Variants in BID observed in about 807,000 individuals in gnomAD.
BID encodes the protein BH3 interacting domain death agonist.
In BID, 19 loss-of-function variants were observed where a neutral mutation model predicts 17.4. That is an observed-to-expected ratio of 1.09 (90% CI 0.76 to 1.60). BID has a LOEUF of 1.60. Ranked by LOEUF, BID falls within the 40% of genes most tolerant of loss-of-function variation. The probability of loss-of-function intolerance (pLI) is 0.00; values close to 1 mark genes in which losing one functional copy is unlikely to be tolerated. For synonymous variants in BID, 108 were observed against 102.8 expected, an observed-to-expected ratio of 1.05 and a Z score of -0.31; for missense variants, 226 against 256.0, an observed-to-expected ratio of 0.88 and a Z score of 0.80.
chr22:17,763,248 A>G (rs1436555891), intron 1 of BID, among the ~76,000 whole-genome samples: 1 of 105,882 alleles, frequency 9.4e-6, no homozygotes, highest in East Asian at 4.0e-4. Flanking sequence ...ATTAATTATA[A>G]CTTTTTTTTT....
Position 17,769,044 on chromosome 22 carries a change from A to C in BID, c.-59+5337T>G, listed in dbSNP as rs1201968474. Among the ~76,000 whole-genome samples the C allele has an allele frequency of 4.2e-5, 4 of 95,482 alleles. No homozygotes were observed. The highest frequency in any genetic ancestry group is 1.1e-4 in the African/African-American group (1 of 9,472). 62.6% of individuals were successfully genotyped at this position (95,482 alleles called of 152,430 possible). On this transcript the variant is annotated intron_variant, in intron 1 of 5. Coordinates refer to ENST00000622694, the MANE Select transcript of BID (RefSeq NM_001196.4). The surrounding 1 kb of genome is among the most constrained non-coding windows in gnomAD (Gnocchi z 4.8). ...GCGACAGAGTGAGACTCGTCTCAAA[A>C]ATAAATAAATAAATAAATAAATAAA...
chr22:17,735,724 C>G, intron 5 of BID, 133 bp from the exon 6 acceptor site: 1 of 1,091,172 alleles, frequency 9.2e-7, no homozygotes, highest in South Asian at 1.3e-5. Context: ...GAAGTCCTAT[C>G]CGTGCATCCT....
chr22:17,749,535 T>C (rs1403256794), intron 2 of BID, among the ~76,000 whole-genome samples: 2 of 152,240 alleles, frequency 1.3e-5, no homozygotes, highest in African/African-American at 4.8e-5. Context: ...CCTTACAGTT[T>C]ACAGTACTTT....
At chr22:17,750,837 G>C (rs1373291183) in intron 1 of BID, among the ~76,000 whole-genome samples, 1 of 151,374 alleles carries the variant, frequency 6.6e-6, no homozygotes, top group Admixed American at 6.6e-5. Context: ...CAAAAAGAAT[G>C]ACCAGTCTGG....
intron 1 of BID, among the ~76,000 whole-genome samples, chr22:17,766,053 A>G (rs1262699179): frequency 6.6e-6 from 1 of 151,856 alleles, no homozygotes; most frequent in African/African-American, 2.4e-5. Flanking sequence ...CTCAGCCTCC[A>G]GAGCCGGGAC....
chr22:17,767,607 A>G (rs1459548973), intron 1 of BID, among the ~76,000 whole-genome samples: 2 of 152,224 alleles, frequency 1.3e-5, no homozygotes, highest in African/African-American at 2.4e-5. Context: ...GTATCTGACC[A>G]CAGAGAACTG....
chr22:17,742,729 C>T lies in BID; in HGVS notation c.223+1074G>A, dbSNP rs548299068. Among the ~76,000 whole-genome samples, 190 of 152,324 alleles carry T rather than the reference C, an allele frequency of 1.2e-3. 1 individual carries two copies. Among genetic ancestry groups the T allele is most frequent in the Non-Finnish European group, 2.2e-3 (149 of 68,024 alleles). On this transcript the variant is annotated intron_variant, in intron 3 of 5. Coordinates refer to ENST00000622694, the MANE Select transcript of BID (RefSeq NM_001196.4). ...TCTCCCGCCCTAAAACAGCCTGATGCAGGCAGCTGGAGTAGGGCCCAAGGC... is the reference window on the plus strand; with the variant it reads ...TCTCCCGCCCTAAAACAGCCTGATGTAGGCAGCTGGAGTAGGGCCCAAGGC...
intron 1 of BID, among the ~76,000 whole-genome samples, chr22:17,754,496 T>C (rs965113817): frequency 1.3e-5 from 2 of 152,246 alleles, no homozygotes; most frequent in African/African-American, 4.8e-5. Flanking sequence ...AGATGCCAGC[T>C]TTGCTTCTGA....
At chr22:17,747,675 G>A (rs1179794997) in intron 2 of BID, among the ~76,000 whole-genome samples, 2 of 151,816 alleles carry the variant, frequency 1.3e-5, no homozygotes, top group East Asian at 3.9e-4. Context: ...TTAGATCACA[G>A]GAAAAAAATA....
chr22:17,754,491 C>T (rs2061566889), intron 1 of BID, among the ~76,000 whole-genome samples: 1 of 152,258 alleles, frequency 6.6e-6, no homozygotes, highest in East Asian at 1.9e-4. Flanking sequence ...TGCTCAGATG[C>T]CAGCTTTGCT....
intron 3 of BID, among the ~76,000 whole-genome samples, chr22:17,742,839 GAGCCTCCACTCGCCCCC>G (rs775441708): frequency 3.2e-4 from 48 of 152,246 alleles, no homozygotes; most frequent in Non-Finnish European, 5.7e-4. Flanking sequence ...GGAAGTGGGT[GAGCCTCCACTCGCCCCC>G]AGCCTCCACT....
At chr22:17,739,270 T>C in intron 4 of BID, 79 bp downstream of exon 4, 1 of 1,456,304 alleles carries the variant, frequency 6.9e-7, no homozygotes, top group Non-Finnish European at 9.1e-7. Flanking sequence ...CACGGGACAG[T>C]GGGCTGCCTG....
At chr22:17,757,476 A>C (rs1242479489) in intron 1 of BID, among the ~76,000 whole-genome samples, 1 of 149,604 alleles carries the variant, frequency 6.7e-6, no homozygotes, top group Non-Finnish European at 1.5e-5. Flanking sequence ...TGGGAGGCCG[A>C]GGCGGGCGGA....
chr22:17,738,270 T>G, intron 4 of BID, 41 bp from the exon 5 acceptor site: 19 of 1,563,214 alleles, frequency 1.2e-5, no homozygotes, highest in Non-Finnish European at 1.6e-5. Context: ...ACTAATACTC[T>G]TCCCTCTCAA....
chr22:17,751,356 G>A (rs2061538360), intron 1 of BID, among the ~76,000 whole-genome samples: 1 of 151,274 alleles, frequency 6.6e-6, no homozygotes, highest in African/African-American at 2.4e-5. Flanking sequence ...TCCGACCTGG[G>A]CGACAGAGCG....
intron 1 of BID, among the ~76,000 whole-genome samples, chr22:17,757,402 CAAAAAAAAA>C (rs34545330): frequency 6.6e-5 from 4 of 61,046 alleles, no homozygotes; most frequent in African/African-American, 3.0e-4. Flanking sequence ...GACCCTGTCC[CAAAAAAAAA>C]AAAAAAAAAA....
At chr22:17,756,467 CTTTCTTTCTTTTCTTTCTTTCTTTCTT>C (rs2061589334) in intron 1 of BID, among the ~76,000 whole-genome samples, 5 of 107,096 alleles carry the variant, frequency 4.7e-5, no homozygotes, top group African/African-American at 1.3e-4. Flanking sequence ...TTCTTTCTTT[CTTTCTTTCTTTTCTTTCTTTCTTTCTT>C]TCTCTCTCTC....
At chr22:17,736,970 A>T (rs1303989382) in intron 5 of BID, among the ~76,000 whole-genome samples, 1 of 151,164 alleles carries the variant, frequency 6.6e-6, no homozygotes, top group East Asian at 2.0e-4. Flanking sequence ...CACCCAGCTA[A>T]TTTTTTTTGT....
At chr22:17,749,149 A>G (rs909301127) in intron 2 of BID, among the ~76,000 whole-genome samples, 1 of 152,312 alleles carries the variant, frequency 6.6e-6, no homozygotes, top group Admixed American at 6.5e-5. Context: ...CTGCCAGGAC[A>G]GCGTGAGGCG....
Sources: allele counts gnomAD v4.1 joint callset (sites outside exome capture counted in the v4.1 genomes callset), GRCh38; gene constraint gnomAD v4.1.1; non-coding constraint Gnocchi (gnomAD v3.1); transcripts MANE v1.5; gene names NCBI Gene and HGNC (gene_info 2026-07-23, HGNC 2026-07-21).